The following KIAA1217 variants were observed in gnomAD, a reference collection of about 807,000 sequenced individuals.
KIAA1217 encodes KIAA1217, also known as sickle tail protein homolog.
In KIAA1217, 88 loss-of-function variants were observed where a neutral mutation model predicts 163.9. That is an observed-to-expected ratio of 0.54 (90% CI 0.45 to 0.64). The LOEUF (loss-of-function observed/expected upper bound fraction) is 0.64. Among genes scored for constraint, KIAA1217 ranks in the 30% least tolerant of loss-of-function variants. The probability of loss-of-function intolerance (pLI) is 0.00; values close to 1 mark genes in which losing one functional copy is unlikely to be tolerated. For synonymous variants in KIAA1217, 903 were observed against 923.1 expected, an observed-to-expected ratio of 0.98 and a Z score of 0.39; for missense variants, 2,372 against 2,475.0, an observed-to-expected ratio of 0.96 and a Z score of 0.88.
At position 24,494,611 on chromosome 10, in the gene KIAA1217, A is replaced by G; in HGVS notation, c.1784+7A>G. Reference sequence around the variant, plus strand: ...ATAGCAAAGATGCGTCTAGGTAAAAAAGAAGAAAGCCAATGAAAAAAATAA... The same window carrying G: ...ATAGCAAAGATGCGTCTAGGTAAAAGAGAAGAAAGCCAATGAAAAAAATAA... On this transcript the variant is annotated splice_region_variant and intron_variant, in intron 7 of 20. Coordinates refer to ENST00000376454, the MANE Select transcript of KIAA1217 (RefSeq NM_019590.5). 2 of 1,557,556 alleles carry G rather than the reference A, an allele frequency of 1.3e-6. No homozygotes were observed. Among genetic ancestry groups the G allele is most frequent in the Non-Finnish European group, 1.8e-6 (2 of 1,135,598 alleles).
intron 1 of KIAA1217, among the ~76,000 whole-genome samples, chr10:23,848,680 C>T (rs1279641225): frequency 6.6e-6 from 1 of 152,028 alleles, no homozygotes; most frequent in Non-Finnish European, 1.5e-5. Context: ...ACCTCCCTTT[C>T]TCTCATCCCA....
chr10:23,921,406 G>A (rs10508666), intron 1 of KIAA1217, among the ~76,000 whole-genome samples: 3,109 of 152,238 alleles, frequency 0.02, 57 homozygotes, highest in Admixed American at 0.064. Flanking sequence ...GACTCCATCT[G>A]CTTGAATAAT....
chr10:24,108,680 CATGTCACAGA>C (rs2062723387), intron 2 of KIAA1217, among the ~76,000 whole-genome samples: 1 of 152,116 alleles, frequency 6.6e-6, no homozygotes, highest in Non-Finnish European at 1.5e-5. Context: ...CTATTATTGT[CATGTCACAGA>C]ATGATACTTG....
intron 2 of KIAA1217, among the ~76,000 whole-genome samples, chr10:24,160,298 C>T (rs2065062916): frequency 6.6e-6 from 1 of 152,046 alleles, no homozygotes; most frequent in East Asian, 1.9e-4. Context: ...TATAGGAATA[C>T]ATCAATTTAG....
intron 1 of KIAA1217, among the ~76,000 whole-genome samples, chr10:23,981,055 C>G (rs981530432): frequency 4.6e-5 from 7 of 152,064 alleles, no homozygotes; most frequent in African/African-American, 1.7e-4. Context: ...AAAATAAAAC[C>G]GTATTTGCAC....
At chr10:23,880,768 A>AAAC (rs1431520022) in intron 1 of KIAA1217, among the ~76,000 whole-genome samples, 1 of 151,786 alleles carries the variant, frequency 6.6e-6, no homozygotes, top group Non-Finnish European at 1.5e-5. Context: ...TAAAAGAAGA[A>AAAC]AACAACAACA....
chr10:24,355,321 C>T (rs893838742), intron 2 of KIAA1217, among the ~76,000 whole-genome samples: 1 of 152,182 alleles, frequency 6.6e-6, no homozygotes, highest in Admixed American at 6.5e-5. Flanking sequence ...CCAATACCAT[C>T]GACTTGGGGG....
intron 1 of KIAA1217, among the ~76,000 whole-genome samples, chr10:23,833,531 T>A (rs1217272015): frequency 6.6e-6 from 1 of 151,824 alleles, no homozygotes; most frequent in Non-Finnish European, 1.5e-5. Context: ...AGCATTTTGA[T>A]GTTTCTCTAC....
chr10:23,855,270 A>G (rs1839591218), intron 1 of KIAA1217, among the ~76,000 whole-genome samples: 2 of 152,142 alleles, frequency 1.3e-5, no homozygotes, highest in South Asian at 2.1e-4. Flanking sequence ...TTCTTTACTT[A>G]TGAAGCTTAG....
At chr10:23,696,133 C>T (rs1836022057) in intron 1 of KIAA1217, among the ~76,000 whole-genome samples, 1 of 152,206 alleles carries the variant, frequency 6.6e-6, no homozygotes, top group South Asian at 2.1e-4. Context: ...CTCTTTTGGG[C>T]TCTCTCCTTC....
At position 24,231,822 on chromosome 10, in the gene KIAA1217, G is replaced by A. The variant is rs376641490; in HGVS notation, c.354+11913G>A. Among the ~76,000 whole-genome samples the A allele has an allele frequency of 1.1e-4, 16 of 147,484 alleles. No homozygotes were observed. The East Asian group carries it at 2.6e-3, about 24-fold the overall frequency. ...TTGGGTTTTTTTTTTTTTTTGAGAT[G>A]GAGTCCGGCTCTCTCACCCAGGCTG... On this transcript the variant is annotated intron_variant, in intron 2 of 20. Coordinates refer to ENST00000376454, the MANE Select transcript of KIAA1217 (RefSeq NM_019590.5).
At chr10:24,058,839 T>G (rs1030510131) in intron 2 of KIAA1217, among the ~76,000 whole-genome samples, 1 of 152,178 alleles carries the variant, frequency 6.6e-6, no homozygotes, top group South Asian at 2.1e-4. Flanking sequence ...CAGAGGAGGA[T>G]AACTTTACTT....
chr10:24,232,656 A>C (rs139327497), intron 2 of KIAA1217, among the ~76,000 whole-genome samples: 1,905 of 152,232 alleles, frequency 0.013, 40 homozygotes, highest in African/African-American at 0.044. Flanking sequence ...CAGTGCATAG[A>C]TGCAGAACTC....
chr10:24,542,230 T>C (rs1306267829), intron 17 of KIAA1217, among the ~76,000 whole-genome samples: 1 of 152,200 alleles, frequency 6.6e-6, no homozygotes. Context: ...CCTAAGTTTA[T>C]AGGCAAGAAA....
rs1159136454 is a variant in KIAA1217, at chr10:23,722,669, A to G, written c.-321+27435A>G. ...TAATATGCTTTATGTCTGTAATTTC[A>G]TTTTAATACCACAATTATTGGTGAG... is the stretch of plus-strand genomic sequence containing the variant. On this transcript the variant is annotated intron_variant, in intron 1 of 18. Coordinates refer to the KIAA1217 transcript ENST00000376462. 2.0e-5 allele frequency among the ~76,000 whole-genome samples: 3 copies of G among 152,222 alleles called. No homozygotes were observed. In the East Asian group the frequency reaches 5.8e-4, roughly 29 times the overall value.
chr10:24,432,118 CTTT>C (rs57893341), intron 3 of KIAA1217, among the ~76,000 whole-genome samples: 3,941 of 116,312 alleles, frequency 0.034, 76 homozygotes, highest in African/African-American at 0.057. Context: ...AAGTATCGTC[CTTT>C]TTTTTTTTTT....
At chr10:23,987,043 A>G (rs1190274610) in intron 1 of KIAA1217, among the ~76,000 whole-genome samples, 1 of 152,138 alleles carries the variant, frequency 6.6e-6, no homozygotes, top group African/African-American at 2.4e-5. Flanking sequence ...CACAGAGTGA[A>G]CCCATCATCT....
chr10:24,438,296 T>G lies in KIAA1217; in HGVS notation c.753-90T>G, dbSNP rs1031025263. On this transcript the variant is annotated intron_variant, in intron 4 of 20. Coordinates refer to ENST00000376454, the MANE Select transcript of KIAA1217 (RefSeq NM_019590.5). ...ATAGCCTTTGGATTGTCTGTTCATG[T>G]TTTTTACCTGATCTTTAAGGGCAGG... 2.9e-5 allele frequency: 25 copies of G among 868,808 alleles called. 1 individual carries two copies. The South Asian group carries it at 3.6e-4, about 13-fold the overall frequency. The allele number at this position is 868,808 out of a possible 1,614,324, so 53.8% of individuals were successfully genotyped here. A position where few individuals can be genotyped will look rare whatever the true frequency, so the allele number is the denominator to read the frequency against.
intron 1 of KIAA1217, among the ~76,000 whole-genome samples, chr10:23,867,474 A>G (rs1163741504): frequency 6.6e-6 from 1 of 152,198 alleles, no homozygotes; most frequent in Non-Finnish European, 1.5e-5. Flanking sequence ...TCAACAGTTT[A>G]AAAGTGTTCC....
Sources: allele counts gnomAD v4.1 joint callset (sites outside exome capture counted in the v4.1 genomes callset), GRCh38; gene constraint gnomAD v4.1.1; transcripts MANE v1.5; gene names NCBI Gene and HGNC (gene_info 2026-07-23, HGNC 2026-07-21).